Variants in GMPR observed in about 807,000 individuals in gnomAD.
The protein encoded by GMPR is GMP reductase 1.
Under a neutral mutation model 38.4 loss-of-function variants are expected in GMPR, and 31 were observed. The observed-to-expected ratio is 0.81, with a 90% CI of 0.61 to 1.09. The LOEUF (loss-of-function observed/expected upper bound fraction) is 1.09. Among genes scored for constraint, GMPR ranks in the 50% least tolerant of loss-of-function variants. GMPR has a pLI of 0.00. For synonymous variants in GMPR, 162 were observed against 173.3 expected (o/e 0.93, Z 0.51); for missense variants, 468 against 453.7 (o/e 1.03, Z -0.29).
chr6:16,289,464 A>G (rs1005320400), intron 7 of GMPR: 3 of 152,208 alleles, frequency 2.0e-5, no homozygotes, highest in Admixed American at 6.5e-5. Flanking sequence ...TGCACTTTGG[A>G]TCAACATAGA....
chr6:16,272,461 C>A (rs1409686041), intron 4 of GMPR, among the ~76,000 whole-genome samples: 1 of 152,160 alleles, frequency 6.6e-6, no homozygotes, highest in African/African-American at 2.4e-5. Context: ...AAAACTCATA[C>A]TACAATAAAT....
chr6:16,287,054 C>T (rs1229742230), intron 7 of GMPR, among the ~76,000 whole-genome samples: 2 of 152,176 alleles, frequency 1.3e-5, no homozygotes, highest in Admixed American at 1.3e-4. Context: ...TCCTCCTAAT[C>T]ATAGATCCTA....
rs747036222 is a variant in GMPR, at chr6:16,238,737, T to C, written c.44T>C (p.Val15Ala). The stretch of plus-strand genomic sequence containing the variant: ...GACCTCAAGCTCGACTTCAAGGATG[T>C]CCTGCTCCGACCTAAGCGGAGCAGC... ...DADLKLDFKD[V>A]LLRPKRSSLK... is the part of the protein sequence containing the mutation. The change falls in exon 1 of 9, where the codon GTC becomes GCC. Residue 15 changes from valine (V) to alanine (A), a missense_variant. Coordinates refer to ENST00000259727, the MANE Select transcript of GMPR (RefSeq NM_006877.4). The C allele has an allele frequency of 4.1e-6, 6 of 1,472,482 alleles. No homozygotes were observed. The South Asian group carries it at 6.7e-5, about 16-fold the overall frequency. 91.2% of individuals were successfully genotyped at this position (1,472,482 alleles called of 1,614,324 possible).
At chr6:16,248,187 G>A (rs1204805157) in intron 2 of GMPR, among the ~76,000 whole-genome samples, 3 of 133,282 alleles carry the variant, frequency 2.3e-5, no homozygotes, top group Non-Finnish European at 4.6e-5. Flanking sequence ...CCAAGATTGC[G>A]CCACTGCACT....
Position 16,290,566 on chromosome 6 carries a change from G to A in GMPR, c.802G>A (p.Gly268Arg), listed in dbSNP as rs543494763. 1.1e-5 allele frequency: 17 copies of A among 1,614,012 alleles called. No homozygotes were observed. Among genetic ancestry groups the A allele is most frequent in the East Asian group, 2.2e-5 (1 of 44,886 alleles). Residue 268 changes from glycine (G) to arginine (R), a missense_variant, in exon 8 of 9, where the codon GGG becomes AGG. Physicochemically the swap from Gly to Arg is moderately radical, Grantham distance 125. Coordinates refer to ENST00000259727, the MANE Select transcript of GMPR (RefSeq NM_006877.4). ...CGGACGGAAGCTCAAGCTCTTCTAC[G>A]GGATGAGCTCTGACACCGCCATGAA... Reference protein sequence around the residue: ...RNGRKLKLFYGMSSDTAMNKH... With the variant: ...RNGRKLKLFYRMSSDTAMNKH...
intron 6 of GMPR, among the ~76,000 whole-genome samples, chr6:16,280,197 A>T (rs1416673665): frequency 6.6e-6 from 1 of 152,186 alleles, no homozygotes; most frequent in East Asian, 1.9e-4. Context: ...TCAGAAGGGA[A>T]ATTGCACATG....
intron 4 of GMPR, among the ~76,000 whole-genome samples, chr6:16,273,665 C>CA (rs1390234479): frequency 6.6e-6 from 1 of 152,162 alleles, no homozygotes; most frequent in Non-Finnish European, 1.5e-5. Flanking sequence ...TTCTTAACTG[C>CA]GTTTTCTAAT....
At chr6:16,257,852 C>G (rs1759009719) in intron 4 of GMPR, 1 of 152,268 alleles carries the variant, frequency 6.6e-6, no homozygotes, top group Admixed American at 6.5e-5. Context: ...AATCACCTCC[C>G]AAAGGCCCTG....
chr6:16,249,960 C>A (rs560569571), intron 2 of GMPR, among the ~76,000 whole-genome samples: 15 of 152,218 alleles, frequency 9.9e-5, no homozygotes, highest in African/African-American at 3.6e-4. Flanking sequence ...CTGCTTTTGG[C>A]CTAATACAGG....
At chr6:16,294,629 G>A (rs1243074328) in intron 8 of GMPR, among the ~76,000 whole-genome samples, 1 of 152,210 alleles carries the variant, frequency 6.6e-6, no homozygotes, top group African/African-American at 2.4e-5. Flanking sequence ...TGGTGTGCAT[G>A]TTGAGGTAGA....
chr6:16,290,468 G>A lies in GMPR; in HGVS notation c.704G>A (p.Gly235Glu), dbSNP rs368774305. 3.7e-6 allele frequency: 6 copies of A among 1,613,784 alleles called. No individual in the cohort carries two copies. The African/African-American group carries it at 8.0e-5, about 22-fold the overall frequency. ...CCCCACCGTTGGCATTTAGGAGCTG[G>A]AGCAGATTTTGTCATGCTGGGAGGA... ...PGDVAKAFGA[G>E]ADFVMLGGMF... Residue 235 changes from glycine (G) to glutamate (E), a missense_variant, in exon 8 of 9, where the codon GGA (glycine) becomes GAA (glutamate). Physicochemically the swap from Gly to Glu is moderately conservative, Grantham distance 98. Transcript: ENST00000259727.
intron 4 of GMPR, among the ~76,000 whole-genome samples, chr6:16,255,566 C>T (rs1285080644): frequency 1.3e-5 from 2 of 152,084 alleles, no homozygotes; most frequent in Non-Finnish European, 2.9e-5. Flanking sequence ...CTGTATTTTC[C>T]TAATTATCTG....
Position 16,250,361 on chromosome 6 carries a change from C to T in GMPR, c.285C>T (p.Cys95=). 3.8e-6 allele frequency: 6 copies of T among 1,583,876 alleles called. No homozygotes were observed. The highest frequency in any genetic ancestry group is 5.2e-6 in the Non-Finnish European group (6 of 1,152,282). Residue 95 remains cysteine (C), a synonymous_variant, in exon 3 of 9, where the codon TGC becomes TGT. Coordinates refer to ENST00000259727, the MANE Select transcript of GMPR (RefSeq NM_006877.4). The part of the protein sequence containing the change: ...WKLFATNHPE[C]LQNVAVSSGS... ...TCTTTGCCACAAATCACCCAGAATG[C>T]CTGCAGGTACGACTACAGCCTGGTT...
rs552996223 is a variant in GMPR at position 16,257,250 on chromosome 6, C to G, written c.465+2515C>G. Among the ~76,000 whole-genome samples, 117 of 152,296 alleles carry G rather than the reference C, an allele frequency of 7.7e-4. 1 individual carries two copies. The highest frequency in any genetic ancestry group is 3.4e-3 in the Middle Eastern group (1 of 294). On this transcript the variant is annotated intron_variant, in intron 4 of 8. Coordinates refer to ENST00000259727, the MANE Select transcript of GMPR (RefSeq NM_006877.4). The stretch of plus-strand genomic sequence containing the variant: ...GTCTACATGCCTGGAGGGTGGCAGA[C>G]CCCAGCTCTGTGGGTCCAGCACTCT...
chr6:16,288,680 C>A (rs1036367271), intron 7 of GMPR, among the ~76,000 whole-genome samples: 6 of 152,218 alleles, frequency 3.9e-5, no homozygotes, highest in Admixed American at 6.5e-5. Flanking sequence ...CCATCTGCAG[C>A]CCCAGTGCGG....
At chr6:16,243,676 G>C (rs1269138301) in intron 1 of GMPR, among the ~76,000 whole-genome samples, 1 of 152,128 alleles carries the variant, frequency 6.6e-6, no homozygotes, top group African/African-American at 2.4e-5. Context: ...GTAGATCTAG[G>C]AAAAGGAGCC....
At chr6:16,293,122 A>G (rs903237077) in intron 8 of GMPR, among the ~76,000 whole-genome samples, 2 of 152,138 alleles carry the variant, frequency 1.3e-5, no homozygotes, top group South Asian at 2.1e-4. Flanking sequence ...TTATGTACAC[A>G]TTGCTGGTTC....
chr6:16,294,404 C>G lies in GMPR; in HGVS notation c.858-602C>G, dbSNP rs564917819. Among the ~76,000 whole-genome samples, 4 of 152,304 alleles carry G rather than the reference C, an allele frequency of 2.6e-5. No individual in the cohort carries two copies. In the South Asian group the frequency reaches 8.3e-4, roughly 32 times the overall value. On this transcript the variant is annotated intron_variant, in intron 8 of 8. Coordinates refer to ENST00000259727, the MANE Select transcript of GMPR (RefSeq NM_006877.4). ...GAAATCACCTTGCTGGTGATTTCCACGTAAGCTGGTAGGACCTGCGCTATC... is the reference window on the plus strand; with the variant it reads ...GAAATCACCTTGCTGGTGATTTCCAGGTAAGCTGGTAGGACCTGCGCTATC...
chr6:16,285,435 T>A (rs904267979), intron 6 of GMPR, among the ~76,000 whole-genome samples: 103 of 151,890 alleles, frequency 6.8e-4, no homozygotes, highest in Non-Finnish European at 1.2e-3. Flanking sequence ...AATGGCTGGG[T>A]GTGTTATGTA....
Sources: gnomAD v4.1 joint callset for allele counts (sites outside exome capture counted in the v4.1 genomes callset) on GRCh38, gnomAD v4.1.1 for gene constraint, MANE v1.5 for transcripts, NCBI Gene and HGNC (gene_info 2026-07-23, HGNC 2026-07-21) for gene names.